Variants in PKN2 observed in about 807,000 individuals in gnomAD.
The protein encoded by PKN2 is serine/threonine-protein kinase N2.
PKN2 carries 38 observed loss-of-function variants against 119.1 expected under a neutral mutation model. The observed-to-expected ratio is 0.32, with a 90% CI of 0.25 to 0.42. The LOEUF (loss-of-function observed/expected upper bound fraction) is 0.42. PKN2 is among the 10% of genes least tolerant of loss of function. PKN2 has a pLI of 1.00. For synonymous variants in PKN2, 390 were observed against 384.9 expected (o/e 1.01, Z -0.15); for missense variants, 850 against 1,165.1 (o/e 0.73, Z 3.94).
intron 1 of PKN2, among the ~76,000 whole-genome samples, chr1:88,695,560 A>T (rs1203511886): frequency 6.6e-6 from 1 of 151,354 alleles, no homozygotes; most frequent in African/African-American, 2.4e-5. Flanking sequence ...CATCCAACCT[A>T]CTCCTGCTCT....
At chr1:88,723,638 G>A (rs1319789811) in intron 1 of PKN2, among the ~76,000 whole-genome samples, 3 of 152,152 alleles carry the variant, frequency 2.0e-5, no homozygotes, top group Admixed American at 6.5e-5. Context: ...GGCCAGACTG[G>A]TCTTGAACTC....
intron 1 of PKN2, among the ~76,000 whole-genome samples, chr1:88,711,527 A>T (rs1275835226): frequency 6.6e-6 from 1 of 152,184 alleles, no homozygotes; most frequent in Admixed American, 6.5e-5. Flanking sequence ...GGTAGTATTG[A>T]TTAAATGTGA....
At position 88,692,144 on chromosome 1, in the gene PKN2, GATTT is replaced by G. The variant is rs150917803; in HGVS notation, c.48+7519_48+7522del. On this transcript the variant is annotated intron_variant, in intron 1 of 21. Coordinates refer to ENST00000370521, the MANE Select transcript of PKN2 (RefSeq NM_006256.4). ...TTGATTTTTCACCTGTTATAAATAAGATTTATCCACATTTTTGCATGTTGCTATA... is the reference window on the plus strand; with the variant it reads ...TTGATTTTTCACCTGTTATAAATAAGATCCACATTTTTGCATGTTGCTATA... Among the ~76,000 whole-genome samples, 372 of 151,674 alleles carry G rather than the reference GATTT, an allele frequency of 2.5e-3. 1 individual carries two copies. The highest frequency in any genetic ancestry group is 8.7e-3 in the African/African-American group (360 of 41,378).
At position 88,809,087 on chromosome 1, in the gene PKN2, A is replaced by AT. The variant is rs141578036; in HGVS notation, c.2102+1319dup. On this transcript the variant is annotated intron_variant, in intron 15 of 21. Transcript: ENST00000370521. ...GACAGGCCTCAAAAGGTTGAGATTTATTTTTTTATGTTATATAAACTTTTC... is the reference window on the plus strand; with the variant it reads ...GACAGGCCTCAAAAGGTTGAGATTTATTTTTTTTATGTTATATAAACTTTTC... Among the ~76,000 whole-genome samples, 772 of 152,180 alleles carry AT rather than the reference A, an allele frequency of 5.1e-3. 3 individuals are homozygous for AT. Among genetic ancestry groups the AT allele is most frequent in the African/African-American group, 0.017 (725 of 41,532 alleles).
intron 3 of PKN2, among the ~76,000 whole-genome samples, chr1:88,768,314 A>G (rs1669747153): frequency 2.0e-5 from 3 of 152,210 alleles, no homozygotes; most frequent in African/African-American, 7.2e-5. Context: ...GCTTAAATCA[A>G]GGTGTTGGCA....
chr1:88,729,663 A>AGGC (rs1388854430), intron 1 of PKN2, among the ~76,000 whole-genome samples: 1 of 151,790 alleles, frequency 6.6e-6, no homozygotes, highest in Non-Finnish European at 1.5e-5. Context: ...TGTACTTGGA[A>AGGC]CTCCTGCACA....
Position 88,828,527 on chromosome 1 carries a change from A to G in PKN2, c.2466A>G (p.Glu822=), listed in dbSNP as rs1483178163. ...DRTSTFCGTP[E]FLAPEVLTET... The stretch of plus-strand genomic sequence containing the variant: ...CAAGCACATTTTGTGGCACTCCTGA[A>G]TTTCTTGCCCCAGAAGTATTAACAG... The change falls in exon 19 of 22, where the codon GAA becomes GAG. Residue 822 remains glutamate (E), a synonymous_variant. Coordinates refer to ENST00000370521, the MANE Select transcript of PKN2 (RefSeq NM_006256.4). 1.9e-6 allele frequency: 3 copies of G among 1,612,798 alleles called. No individual in the cohort carries two copies. The highest frequency in any genetic ancestry group is 2.7e-5 in the African/African-American group (2 of 74,880).
rs772333395 is a variant in PKN2 at position 88,807,376 on chromosome 1, G to C, written c.1867G>C (p.Glu623Gln). 17 of 1,602,550 alleles carry C rather than the reference G, an allele frequency of 1.1e-5. No individual in the cohort carries two copies. The African/African-American group carries it at 2.0e-4, about 19-fold the overall frequency. The change falls in exon 13 of 22, where the codon GAA (glutamate) becomes CAA (glutamine). Residue 623 changes from glutamate (E) to glutamine (Q), a missense_variant. Coordinates refer to ENST00000370521, the MANE Select transcript of PKN2 (RefSeq NM_006256.4). ...TAGTATACTTCCAAAATCTCAATCTGAATACAAGCCTGATACTCCTCAGTC... is the reference window on the plus strand; with the variant it reads ...TAGTATACTTCCAAAATCTCAATCTCAATACAAGCCTGATACTCCTCAGTC... ...RNSILPKSQS[E>Q]YKPDTPQSGL... is the part of the protein sequence containing the mutation.
At chr1:88,787,040 A>G (rs879619050) in intron 8 of PKN2, among the ~76,000 whole-genome samples, 2 of 151,706 alleles carry the variant, frequency 1.3e-5, no homozygotes, top group Non-Finnish European at 2.9e-5. Flanking sequence ...AATGTTTTGC[A>G]GTCTCTAAAG....
intron 8 of PKN2, among the ~76,000 whole-genome samples, chr1:88,795,082 T>C (rs1570642362): frequency 6.6e-6 from 1 of 152,232 alleles, no homozygotes; most frequent in Non-Finnish European, 1.5e-5. Context: ...TTCTTTTGCC[T>C]GTCTCTTCAA....
At chr1:88,695,331 TAG>T (rs1666500404) in intron 1 of PKN2, among the ~76,000 whole-genome samples, 1 of 152,186 alleles carries the variant, frequency 6.6e-6, no homozygotes, top group Non-Finnish European at 1.5e-5. Flanking sequence ...TCTTGCCAGT[TAG>T]AGTTACATCA....
chr1:88,715,862 T>C (rs574074630), intron 1 of PKN2, among the ~76,000 whole-genome samples: 2 of 152,324 alleles, frequency 1.3e-5, no homozygotes, highest in South Asian at 4.1e-4. Flanking sequence ...CTCTTGCTTC[T>C]CTAGTTCTTT....
intron 15 of PKN2, 95 bp from the exon 16 acceptor site, chr1:88,813,461 AT>A: frequency 1.2e-6 from 1 of 812,972 alleles, no homozygotes; most frequent in Non-Finnish European, 1.8e-6. Context: ...TATAGTTAAA[AT>A]TTTGCTTATT....
chr1:88,730,666 A>G (rs1026316318), intron 1 of PKN2, among the ~76,000 whole-genome samples: 11 of 152,220 alleles, frequency 7.2e-5, no homozygotes, highest in African/African-American at 2.6e-4. Context: ...CTTTTTTATT[A>G]TTGTTTTTTA....
chr1:88,757,282 A>G (rs1480581816), intron 2 of PKN2, among the ~76,000 whole-genome samples: 3 of 152,214 alleles, frequency 2.0e-5, no homozygotes, highest in Non-Finnish European at 4.4e-5. Context: ...ATCATTAACT[A>G]AAGCACTATT....
intron 15 of PKN2, among the ~76,000 whole-genome samples, chr1:88,812,661 A>G (rs1266303116): frequency 1.3e-5 from 2 of 152,160 alleles, no homozygotes; most frequent in Non-Finnish European, 2.9e-5. Context: ...ACTTGAGCCT[A>G]GGAGTTCAAG....
At chr1:88,719,283 T>C (rs1412117786) in intron 1 of PKN2, among the ~76,000 whole-genome samples, 1 of 152,234 alleles carries the variant, frequency 6.6e-6, no homozygotes, top group Admixed American at 6.5e-5. Flanking sequence ...TAACTAGTTT[T>C]ATTTCCTCAG....
At chr1:88,820,220 ATATATATATATAT>A (rs1557634951) in intron 16 of PKN2, among the ~76,000 whole-genome samples, 112 of 113,230 alleles carry the variant, frequency 9.9e-4, no homozygotes, top group Non-Finnish European at 1.5e-3. Flanking sequence ...ATATATATAT[ATATATATATATAT>A]AAATAGAAAA....
intron 2 of PKN2, among the ~76,000 whole-genome samples, chr1:88,741,820 T>A (rs1668589842): frequency 1.3e-5 from 2 of 152,014 alleles, no homozygotes; most frequent in Admixed American, 1.3e-4. Flanking sequence ...TTACTTTTAT[T>A]TTCTTTATAG....
Sources: gnomAD v4.1 joint callset for allele counts (sites outside exome capture counted in the v4.1 genomes callset) on GRCh38, gnomAD v4.1.1 for gene constraint, MANE v1.5 for transcripts, NCBI Gene and HGNC (gene_info 2026-07-23, HGNC 2026-07-21) for gene names.